ZNF624: variants seen among roughly 807,000 people sequenced by gnomAD.
The protein encoded by ZNF624 is zinc finger protein 624.
A neutral mutation model predicts 74.7 loss-of-function variants in ZNF624; 43 were observed. The observed-to-expected ratio is 0.58, with a 90% confidence interval of 0.45 to 0.74. The LOEUF is 0.74. Among genes scored for constraint, ZNF624 ranks in the 30% least tolerant of loss-of-function variants. The probability of loss-of-function intolerance (pLI) is 0.00; values close to 1 mark genes in which losing one functional copy is unlikely to be tolerated. For synonymous variants in ZNF624, 331 were observed against 341.3 expected (o/e 0.97, Z 0.33); for missense variants, 820 against 1,030.0 (o/e 0.80, Z 2.79).
intron 3 of ZNF624, among the ~76,000 whole-genome samples, chr17:16,644,056 C>T (rs971840070): frequency 1.3e-5 from 2 of 152,094 alleles, no homozygotes; most frequent in Non-Finnish European, 2.9e-5. Flanking sequence ...AGCATGGCCC[C>T]TCCCCTCTCC....
In ZNF624 at chr17:16,623,331, G is replaced by C; in HGVS notation, c.1555C>G (p.Gln519Glu). 6.2e-7 allele frequency: 1 copy of C among 1,613,310 alleles called. No homozygotes were observed. The highest frequency in any genetic ancestry group is 8.5e-7 in the Non-Finnish European group (1 of 1,179,550). The change falls in exon 6 of 6, where the codon CAG becomes GAG. Residue 519 changes from glutamine to glutamate, a missense_variant. Gln to Glu is a conservative substitution (Grantham distance 29). Transcript: ENST00000311331. This position sits in a 1 kb window ranked among gnomAD's most constrained non-coding sequence, Gnocchi z 5.3. ...FNRIANFTEH[Q>E]RIHTGEKPYK... ...GGTTTTTCTCCTGTGTGAATTCGCT[G>C]ATGTTCTGTGAAATTTGCGATGCGG...
intron 3 of ZNF624, among the ~76,000 whole-genome samples, chr17:16,644,424 T>A (rs1008868453): frequency 6.6e-6 from 1 of 152,028 alleles, no homozygotes; most frequent in Non-Finnish European, 1.5e-5. Context: ...GCTAAAAGAG[T>A]ACCCATTTAT....
chr17:16,634,894 T>C, intron 3 of ZNF624, 138 bp from the exon 4 acceptor site: 1 of 690,544 alleles, frequency 1.4e-6, no homozygotes, highest in Non-Finnish European at 2.3e-6. Flanking sequence ...TCATCCTTTA[T>C]AGGATGTATA....
intron 3 of ZNF624, among the ~76,000 whole-genome samples, chr17:16,635,508 A>T (rs1284106614): frequency 6.6e-6 from 1 of 152,122 alleles, no homozygotes; most frequent in Non-Finnish European, 1.5e-5. Flanking sequence ...GAAAATTAAG[A>T]GTAACATGAA....
chr17:16,624,047 GTAC>G lies in ZNF624; in HGVS notation c.836_838del (p.Ser279del). Reference sequence around the variant, plus strand: ...TCTATAATGAAAGGCCTTTTCGCATGTACTACATTTGTAGGGTTTTTCCTTATT... The same window carrying G: ...TCTATAATGAAAGGCCTTTTCGCATGTACATTTGTAGGGTTTTTCCTTATT... On this transcript the variant is annotated inframe_deletion, in exon 6 of 6. Transcript: ENST00000311331. 6.2e-7 allele frequency: 1 copy of G among 1,613,970 alleles called. No homozygotes were observed. Among genetic ancestry groups the G allele is most frequent in the Non-Finnish European group, 8.5e-7 (1 of 1,180,000 alleles).
rs868649462 is a variant in ZNF624, at chr17:16,622,923, G to A, written c.1963C>T (p.Leu655Phe). The A allele has an allele frequency of 6.2e-7, 1 of 1,613,934 alleles. No homozygotes were observed. The highest frequency in any genetic ancestry group is 8.5e-7 in the Non-Finnish European group (1 of 1,179,938). The part of the protein sequence containing the change: ...CGKSFRTKSY[L>F]IVHQRTHTGE... The stretch of plus-strand genomic sequence containing the variant: ...GTATGGGTCCTCTGATGTACAATAA[G>A]GTATGATTTAGTCCTAAAGGACTTT... Residue 655 changes from leucine (L) to phenylalanine (F), a missense_variant, in exon 6 of 6, where the codon CTT (leucine) becomes TTT (phenylalanine). By Grantham distance (22) the Leu-to-Phe change is conservative. Coordinates refer to ENST00000311331, the MANE Select transcript of ZNF624 (RefSeq NM_020787.4).
intron 1 of ZNF624, among the ~76,000 whole-genome samples, chr17:16,652,836 GGC>G (rs1427276533): frequency 6.6e-6 from 1 of 152,116 alleles, no homozygotes; most frequent in Non-Finnish European, 1.5e-5. Flanking sequence ...ACCCTGCTTT[GGC>G]TACCGTAAAA....
At position 16,621,407 on chromosome 17, in the gene ZNF624, A is replaced by T. The variant is rs1214165376; in HGVS notation, c.*881T>A. ...TTGATGCTGCTTTTATTTCTAACGG[A>T]CAGATTCCAAAAGTGAGACTGCTGG... is the stretch of plus-strand genomic sequence containing the variant. On this transcript the variant is annotated 3_prime_UTR_variant, in exon 6 of 6. Coordinates refer to ENST00000311331, the MANE Select transcript of ZNF624 (RefSeq NM_020787.4). 6.6e-6 allele frequency: 1 copy of T among 152,246 alleles called. No individual in the cohort carries two copies. The highest frequency in any genetic ancestry group is 1.9e-4 in the East Asian group (1 of 5,204). 9.4% of individuals were successfully genotyped at this position (152,246 alleles called of 1,614,324 possible).
intron 3 of ZNF624, among the ~76,000 whole-genome samples, chr17:16,640,717 C>T (rs1909447713): frequency 6.6e-6 from 1 of 152,126 alleles, no homozygotes; most frequent in South Asian, 2.1e-4. Context: ...CTGGATAGAT[C>T]TATAACAAGT....
intron 3 of ZNF624, among the ~76,000 whole-genome samples, chr17:16,645,030 C>T (rs1252529875): frequency 6.6e-6 from 1 of 152,234 alleles, no homozygotes; most frequent in Non-Finnish European, 1.5e-5. Context: ...ACTCCAGATC[C>T]ATTATGCAGT....
intron 4 of ZNF624, 49 bp from the exon 5 acceptor site, chr17:16,634,006 C>T (rs1273653782): frequency 1.4e-6 from 2 of 1,475,572 alleles, no homozygotes; most frequent in Admixed American, 3.4e-5. Flanking sequence ...TGAGCAAGAA[C>T]TCCTGCCAAA....
At chr17:16,636,916 G>A (rs1909346553) in intron 3 of ZNF624, among the ~76,000 whole-genome samples, 1 of 152,210 alleles carries the variant, frequency 6.6e-6, no homozygotes, top group Non-Finnish European at 1.5e-5. Context: ...TCTTGTGCCA[G>A]TTTTCAAAGG....
rs377317322 is a variant in ZNF624, at chr17:16,639,763, G to A, written c.154-5007C>T. On this transcript the variant is annotated intron_variant, in intron 3 of 5. Transcript: ENST00000311331. Reference sequence around the variant, plus strand: ...ATACAGACTTTACAGATTGGTCCAGGAAAGTTTCTAAACAAAGCAACAGCA... The same window carrying A: ...ATACAGACTTTACAGATTGGTCCAGAAAAGTTTCTAAACAAAGCAACAGCA... 3.3e-5 allele frequency among the ~76,000 whole-genome samples: 5 copies of A among 152,152 alleles called. No homozygotes were observed. In the East Asian group the frequency reaches 7.7e-4, roughly 23 times the overall value.
chr17:16,647,255 G>C (rs2142652004), intron 3 of ZNF624, 74 bp downstream of exon 3: 1 of 1,257,886 alleles, frequency 7.9e-7, no homozygotes, highest in Non-Finnish European at 1.2e-6. Flanking sequence ...CAATTAACTG[G>C]GAACATTGAG....
Position 16,653,747 on chromosome 17 carries a change from C to G in ZNF624, c.-3+17G>C, listed in dbSNP as rs1401532348. 6.5e-6 allele frequency: 1 copy of G among 152,852 alleles called. No individual in the cohort carries two copies. The highest frequency in any genetic ancestry group is 1.5e-5 in the Non-Finnish European group (1 of 68,192). The allele number at this position is 152,852 out of a possible 1,614,324, so 9.5% of individuals were successfully genotyped here. On this transcript the variant is annotated intron_variant, in intron 1 of 5. Transcript: ENST00000311331. ...GGCGGCGGGCAACCGAGGCCAGGCG[C>G]CCGGGACAACGAGTACCTGGCGGCC... is the stretch of plus-strand genomic sequence containing the variant.
rs149146824 is a variant in ZNF624, at chr17:16,624,264, T to A, written c.622A>T (p.Ile208Phe). 6.2e-7 allele frequency: 1 copy of A among 1,614,210 alleles called. No homozygotes were observed. The highest frequency in any genetic ancestry group is 2.2e-5 in the East Asian group (1 of 44,870). The change falls in exon 6 of 6, where the codon ATT becomes TTT. Residue 208 changes from isoleucine to phenylalanine, a missense_variant. Coordinates refer to ENST00000311331, the MANE Select transcript of ZNF624 (RefSeq NM_020787.4). ...TSQRGFRFESILIPEPGIATE... is the reference protein window; with the variant it reads ...TSQRGFRFESFLIPEPGIATE... ...GCAATGCCTGGTTCTGGAATAAGAA[T>A]AGATTCAAATCTAAAGCCTCTTTGA...
chr17:16,644,761 T>C (rs1909547367), intron 3 of ZNF624, among the ~76,000 whole-genome samples: 1 of 152,198 alleles, frequency 6.6e-6, no homozygotes, highest in South Asian at 2.1e-4. Context: ...GCAAACAATA[T>C]TTCTTCTAAA....
At chr17:16,614,995 G>A in the ZNF624 span, among the ~76,000 whole-genome samples, 9 of 152,174 alleles carry the variant, frequency 5.9e-5, no homozygotes, top group African/African-American at 2.2e-4. Context: ...AGGTTATCTA[G>A]ATCAGTCAAA....
At chr17:16,649,612 C>A in intron 2 of ZNF624, 46 bp downstream of exon 2, 1 of 1,556,022 alleles carries the variant, frequency 6.4e-7, no homozygotes, top group Non-Finnish European at 8.9e-7. Flanking sequence ...AGTAAACATG[C>A]TCTCAAACCA....
Sources: gnomAD v4.1 joint callset for allele counts (sites outside exome capture counted in the v4.1 genomes callset) on GRCh38, gnomAD v4.1.1 for gene constraint, Gnocchi (gnomAD v3.1) non-coding constraint, MANE v1.5 for transcripts, NCBI Gene and HGNC (gene_info 2026-07-23, HGNC 2026-07-21) for gene names.